The following MAST2 variants were observed in gnomAD, a reference collection of about 807,000 sequenced individuals.
MAST2 encodes the protein microtubule-associated serine/threonine-protein kinase 2.
Under a neutral mutation model 147.4 loss-of-function variants are expected in MAST2, and 70 were observed. The observed-to-expected ratio is 0.47, with a 90% CI of 0.39 to 0.58. The LOEUF (loss-of-function observed/expected upper bound fraction) is 0.58. Among genes scored for constraint, MAST2 ranks in the 20% least tolerant of loss-of-function variants. The probability of loss-of-function intolerance (pLI) is 0.00; values close to 1 mark genes in which losing one functional copy is unlikely to be tolerated. For missense variants in MAST2, 2,080 were observed against 2,302.3 expected (o/e 0.90, Z 1.98); for synonymous variants, 869 against 896.8 (o/e 0.97, Z 0.55).
chr1:46,030,153 T>G lies in MAST2; in HGVS notation c.2468T>G (p.Met823Arg). The G allele has an allele frequency of 6.2e-7, 1 of 1,614,214 alleles. No homozygotes were observed. The highest frequency in any genetic ancestry group is 8.5e-7 in the Non-Finnish European group (1 of 1,180,034). The change falls in exon 21 of 29, where the codon ATG (methionine) becomes AGG (arginine). Residue 823 changes from methionine (M) to arginine (R), a missense_variant. By Grantham distance (91) the Met-to-Arg change is moderately conservative. Around this residue, in one of 4 missense-constraint regions of MAST2, gnomAD observed 1,278 missense variants for 1,304.2 expected, o/e 0.98. Transcript: ENST00000361297. ...GCCCGCTCAGAGCGATACCACCACA[T>G]GGACTCGGAGGATGAGGAAGAAGTG... is the stretch of plus-strand genomic sequence containing the variant. ...FDTRSERYHH[M>R]DSEDEEEVSE...
rs549803844 is a variant in MAST2 at position 45,882,229 on chromosome 1, G to T, written c.469-135G>T. ...AAATAAATAAAATTTAAGAGGCAAA[G>T]AAAAAGTTGTTATTTAGAAATATGT... On this transcript the variant is annotated intron_variant, in intron 3 of 28. Coordinates refer to ENST00000361297, the MANE Select transcript of MAST2 (RefSeq NM_015112.3). 5.4e-4 allele frequency: 296 copies of T among 551,206 alleles called. 3 individuals carry two copies. In the South Asian group the frequency reaches 7.4e-3, roughly 14 times the overall value. 34.1% of individuals were successfully genotyped at this position (551,206 alleles called of 1,614,324 possible).
At chr1:45,997,355 G>A (rs923369727) in intron 5 of MAST2, among the ~76,000 whole-genome samples, 1 of 152,192 alleles carries the variant, frequency 6.6e-6, no homozygotes, top group Non-Finnish European at 1.5e-5. Flanking sequence ...GTTGCCCTTT[G>A]AGAAAGTGTG....
At chr1:45,882,522 G>C in intron 4 of MAST2, 127 bp downstream of exon 4, 1 of 680,390 alleles carries the variant, frequency 1.5e-6, no homozygotes, top group East Asian at 3.2e-5. Flanking sequence ...ACTCCTATCT[G>C]AGCTAGGGAA....
chr1:46,003,264 AC>A (rs1394014821), intron 7 of MAST2, among the ~76,000 whole-genome samples: 4 of 152,206 alleles, frequency 2.6e-5, no homozygotes, highest in African/African-American at 9.7e-5. Flanking sequence ...TATCTGAAGC[AC>A]TTGGTAGACT....
intron 5 of MAST2, among the ~76,000 whole-genome samples, chr1:45,981,723 G>A (rs941934279): frequency 6.6e-6 from 1 of 152,088 alleles, no homozygotes; most frequent in Non-Finnish European, 1.5e-5. Flanking sequence ...GGTTAGGTCA[G>A]ATTTCTTTCA....
chr1:45,985,814 A>G (rs1180526074), intron 5 of MAST2, among the ~76,000 whole-genome samples: 1 of 152,154 alleles, frequency 6.6e-6, no homozygotes, highest in Non-Finnish European at 1.5e-5. Flanking sequence ...TGAAGTTCTT[A>G]TGCCTCTTTT....
intron 3 of MAST2, among the ~76,000 whole-genome samples, chr1:45,879,327 CTT>C (rs1646740598): frequency 1.3e-5 from 2 of 152,248 alleles, no homozygotes; most frequent in South Asian, 4.1e-4. Flanking sequence ...AATCCCAACA[CTT>C]TGGGAGGTTG....
intron 5 of MAST2, among the ~76,000 whole-genome samples, chr1:45,994,962 C>A (rs559620574): frequency 8.5e-5 from 13 of 152,080 alleles, no homozygotes; most frequent in Non-Finnish European, 1.6e-4. Flanking sequence ...CCTCAGCCTT[C>A]CGAATATCTG....
At chr1:45,984,562 T>C (rs542918124) in intron 5 of MAST2, among the ~76,000 whole-genome samples, 2 of 152,080 alleles carry the variant, frequency 1.3e-5, no homozygotes, top group East Asian at 3.9e-4. Context: ...TCCTGCCTCA[T>C]CCTCCCAAAG....
chr1:45,928,167 C>T (rs1654710384), intron 4 of MAST2, among the ~76,000 whole-genome samples: 1 of 152,212 alleles, frequency 6.6e-6, no homozygotes, highest in South Asian at 2.1e-4. Flanking sequence ...TATACTATCT[C>T]ATCTACATCC....
chr1:45,853,966 C>T (rs1645707240), intron 3 of MAST2, among the ~76,000 whole-genome samples: 1 of 152,082 alleles, frequency 6.6e-6, no homozygotes, highest in Non-Finnish European at 1.5e-5. Context: ...TCATGGATGT[C>T]CAGTTGTTCT....
chr1:46,023,177 A>T lies in MAST2; in HGVS notation c.1486-56A>T. On this transcript the variant is annotated intron_variant, in intron 13 of 28. Transcript: ENST00000361297. This position sits in a 1 kb window ranked among gnomAD's most constrained non-coding sequence, Gnocchi z 4.9. Reference sequence around the variant, plus strand: ...AAGATGCTAGAGCCACAGCTTCTGCAAGGATATGGGCTCTGAGAAGCATGC... The same window carrying T: ...AAGATGCTAGAGCCACAGCTTCTGCTAGGATATGGGCTCTGAGAAGCATGC... The T allele has an allele frequency of 6.7e-7, 1 of 1,491,452 alleles. No individual in the cohort carries two copies. The highest frequency in any genetic ancestry group is 9.4e-7 in the Non-Finnish European group (1 of 1,068,240). 92.4% of individuals were successfully genotyped at this position (1,491,452 alleles called of 1,614,324 possible).
chr1:45,911,365 C>T (rs545487479), intron 4 of MAST2, among the ~76,000 whole-genome samples: 1 of 152,272 alleles, frequency 6.6e-6, no homozygotes, highest in East Asian at 1.9e-4. Context: ...AATATTTTCT[C>T]ACTTTGGCAT....
chr1:45,884,120 G>A lies in MAST2; in HGVS notation c.500+1725G>A, dbSNP rs929665637. ...AGAATAATTTTTTGGTCATTTTAGT[G>A]ATATCTAAAGTTAGGCCTACTCTAA... On this transcript the variant is annotated intron_variant, in intron 4 of 28. Transcript: ENST00000361297. Among the ~76,000 whole-genome samples, 12 of 151,860 alleles carry A rather than the reference G, an allele frequency of 7.9e-5. No individual in the cohort carries two copies. In the South Asian group the frequency reaches 2.3e-3, roughly 29 times the overall value.
chr1:45,842,996 A>AGT (rs1019504155), intron 3 of MAST2, among the ~76,000 whole-genome samples: 53 of 152,112 alleles, frequency 3.5e-4, no homozygotes, highest in African/African-American at 1.3e-3. Flanking sequence ...GTGAGTATGA[A>AGT]GTGGTACCTC....
At chr1:45,819,750 T>TA (rs756844973) in intron 1 of MAST2, among the ~76,000 whole-genome samples, 10 of 152,282 alleles carry the variant, frequency 6.6e-5, no homozygotes, top group Non-Finnish European at 1.3e-4. Context: ...AAATCACTAT[T>TA]AAAATGTCCA....
intron 5 of MAST2, among the ~76,000 whole-genome samples, chr1:45,996,087 T>C (rs2149146450): frequency 6.6e-6 from 1 of 151,628 alleles, no homozygotes; most frequent in Admixed American, 6.6e-5. Flanking sequence ...TTTTTGCTGC[T>C]TTTTTTTCCC....
Position 46,023,299 on chromosome 1 carries a change from A to T in MAST2, c.1552A>T (p.Ile518Phe), listed in dbSNP as rs1190520663. The change falls in exon 14 of 29, where the codon ATC (isoleucine) becomes TTC (phenylalanine). Residue 518 changes from isoleucine to phenylalanine, a missense_variant. Physicochemically the swap from Ile to Phe is conservative, Grantham distance 21. Coordinates refer to ENST00000361297, the MANE Select transcript of MAST2 (RefSeq NM_015112.3). This position sits in a 1 kb window ranked among gnomAD's most constrained non-coding sequence, Gnocchi z 4.9. ...AGAGGACTTCGAGACCATTAAGCTC[A>T]TCAGCAATGGCGCCTATGGGTAAAG... ...SEEDFETIKLISNGAYGAVFL... is the reference protein window; with the variant it reads ...SEEDFETIKLFSNGAYGAVFL... 6.2e-7 allele frequency: 1 copy of T among 1,612,054 alleles called. No homozygotes were observed. The highest frequency in any genetic ancestry group is 8.5e-7 in the Non-Finnish European group (1 of 1,178,238).
intron 3 of MAST2, among the ~76,000 whole-genome samples, chr1:45,882,079 C>T (rs928706977): frequency 6.8e-6 from 1 of 146,002 alleles, no homozygotes; most frequent in African/African-American, 2.5e-5. Context: ...GTAGTCCCAG[C>T]TACTCAGGAG....
Sources: allele counts gnomAD v4.1 joint callset (sites outside exome capture counted in the v4.1 genomes callset), GRCh38; gene constraint gnomAD v4.1.1; regional missense constraint gnomAD v4.1.1; non-coding constraint Gnocchi (gnomAD v3.1); transcripts MANE v1.5; gene names NCBI Gene and HGNC (gene_info 2026-07-23, HGNC 2026-07-21).